Variants in CZIB observed in about 807,000 individuals in gnomAD.
CZIB encodes CXXC motif containing zinc binding protein.
A neutral mutation model predicts 28.3 loss-of-function variants in CZIB; 26 were observed. The observed-to-expected ratio is 0.92, with a 90% CI of 0.67 to 1.27. The LOEUF (loss-of-function observed/expected upper bound fraction) is 1.27, where lower values mean the gene tolerates loss of function less well. Ranked by LOEUF, CZIB falls within the 50% of genes most tolerant of loss-of-function variation. The pLI is 0.00. For missense variants in CZIB, 179 were observed against 197.3 expected (o/e 0.91, Z 0.56); for synonymous variants, 78 against 71.1 (o/e 1.10, Z -0.49).
chr1:53,216,708 T>G lies in CZIB; in HGVS notation c.339+74A>C, dbSNP rs538695806. ...ATGTCTAGTCCATGGTATCTGTAGG[T>G]AGCACAGTTCTGGCTGTCACTTCAT... On this transcript the variant is annotated intron_variant, in intron 6 of 7. Coordinates refer to ENST00000294360, the MANE Select transcript of CZIB (RefSeq NM_017887.3). The G allele has an allele frequency of 2.4e-5, 32 of 1,312,178 alleles. No individual in the cohort carries two copies. In the African/African-American group the frequency reaches 4.2e-4, roughly 17 times the overall value. The allele number at this position is 1,312,178 out of a possible 1,614,324, so 81.3% of individuals were successfully genotyped here. A position where few individuals can be genotyped will look rare whatever the true frequency, so the allele number is the denominator to read the frequency against.
At position 53,218,861 on chromosome 1, in the gene CZIB, A is replaced by G. The variant is rs1248365788; in HGVS notation, c.147+6T>C. On this transcript the variant is annotated splice_donor_region_variant and intron_variant, in intron 3 of 7. Transcript: ENST00000294360. The stretch of plus-strand genomic sequence containing the variant: ...TTATGTTGGGGGTTGGGCGGGGAAC[A>G]GTTACCATCAGCCGGATGTACTGCC... 1 of 1,611,792 alleles carries G rather than the reference A, an allele frequency of 6.2e-7. No homozygotes were observed. The highest frequency in any genetic ancestry group is 1.1e-5 in the South Asian group (1 of 91,030).
chr1:53,217,726 T>C (rs1645483110), intron 5 of CZIB: 1 of 161,538 alleles, frequency 6.2e-6, no homozygotes, highest in South Asian at 1.8e-4. Flanking sequence ...AAATAAGGAA[T>C]AGGTGAATAC....
chr1:53,218,553 G>T, intron 3 of CZIB, 58 bp from the exon 4 acceptor site: 3 of 1,533,502 alleles, frequency 2.0e-6, no homozygotes, highest in Middle Eastern at 1.7e-4. Flanking sequence ...CAGTCCTGAG[G>T]AGATCGAGCC....
chr1:53,218,332 G>A (rs1388037296), intron 4 of CZIB, 82 bp downstream of exon 4: 2 of 1,583,778 alleles, frequency 1.3e-6, no homozygotes, highest in East Asian at 2.2e-5. Flanking sequence ...TCCACCCTCA[G>A]GTAACATGAG....
Position 53,214,675 on chromosome 1 carries a change from T to G in CZIB, c.467A>C (p.Gln156Pro). The change falls in exon 8 of 8, where the codon CAG becomes CCG. Residue 156 changes from glutamine to proline, a missense_variant. Gln to Pro is a moderately conservative substitution (Grantham distance 76). Transcript: ENST00000294360. The part of the protein sequence containing the change: ...ESVGIYEVTH[Q>P]FVKC ...GAAGAGGGATCAGCACTTCACAAAC[T>G]GGTGGGTGACCTCATAGATTCCCAC... is the stretch of plus-strand genomic sequence containing the variant. 1 of 1,614,148 alleles carries G rather than the reference T, an allele frequency of 6.2e-7. No homozygotes were observed.
At chr1:53,216,670 G>T in intron 6 of CZIB, 112 bp downstream of exon 6, 1 of 970,046 alleles carries the variant, frequency 1.0e-6, no homozygotes, top group Non-Finnish European at 1.6e-6. Context: ...TATTACTACC[G>T]CTAGAAAGGA....
chr1:53,214,413 T>G lies in CZIB; in HGVS notation c.*246A>C. The G allele has an allele frequency of 2.0e-6, 1 of 489,698 alleles. No individual in the cohort carries two copies. The highest frequency in any genetic ancestry group is 3.7e-6 in the Non-Finnish European group (1 of 272,580). 30.3% of individuals were successfully genotyped at this position (489,698 alleles called of 1,614,324 possible). On this transcript the variant is annotated 3_prime_UTR_variant, in exon 8 of 8. Coordinates refer to ENST00000294360, the MANE Select transcript of CZIB (RefSeq NM_017887.3). ...ATTTTCCTAAGGAGTGAACTGCTGC[T>G]GCACGAATTCTTATTTGTGGAGGGA...
chr1:53,217,516 TGTAAA>T (rs1477295765), intron 5 of CZIB: 6 of 153,450 alleles, frequency 3.9e-5, no homozygotes, highest in Non-Finnish European at 7.2e-5. Context: ...TGTCATTCAC[TGTAAA>T]GTAATTTCCT....
rs148279601 is a variant in CZIB, at chr1:53,218,894, C to G, written c.120G>C (p.Ser40=). ...KMKCGNCGEI[S]DKWQYIRLMD... ...TCAGCCGGATGTACTGCCACTTGTCCGAAATCTCACCACAGTTGCCACATT... is the reference window on the plus strand; with the variant it reads ...TCAGCCGGATGTACTGCCACTTGTCGGAAATCTCACCACAGTTGCCACATT... The change falls in exon 3 of 8, where the codon TCG becomes TCC. Residue 40 remains serine (S), a synonymous_variant. Transcript: ENST00000294360. The G allele has an allele frequency of 1.9e-6, 3 of 1,613,822 alleles. No homozygotes were observed. The highest frequency in any genetic ancestry group is 1.6e-4 in the Middle Eastern group (1 of 6,062).
Position 53,219,208 on chromosome 1 carries a change from A to AG in CZIB, c.91-286dup, listed in dbSNP as rs200769536. ...TGCAGAAATGGTTTCAGCGGAGGTGAGGGGGGGGAATATGGAGAGATTTGT... is the reference window on the plus strand; with the variant it reads ...TGCAGAAATGGTTTCAGCGGAGGTGAGGGGGGGGGAATATGGAGAGATTTGT... On this transcript the variant is annotated intron_variant, in intron 2 of 7. Coordinates refer to ENST00000294360, the MANE Select transcript of CZIB (RefSeq NM_017887.3). 801 of 401,214 alleles carry AG rather than the reference A, an allele frequency of 2.0e-3. 11 individuals carry two copies. The East Asian group carries it at 0.033, about 17-fold the overall frequency. 24.9% of individuals were successfully genotyped at this position (401,214 alleles called of 1,614,324 possible). A position where few individuals can be genotyped will look rare whatever the true frequency, so the allele number is the denominator to read the frequency against.
At chr1:53,216,166 G>A in intron 6 of CZIB, 110 bp from the exon 7 acceptor site, 1 of 985,434 alleles carries the variant, frequency 1.0e-6, no homozygotes, top group Non-Finnish European at 1.6e-6. Context: ...ATGGAGGACA[G>A]AGATGCAGTA....
In CZIB at chr1:53,216,124, G is replaced by C. The variant is rs372043684; in HGVS notation, c.340-68C>G. The C allele has an allele frequency of 7.8e-5, 116 of 1,480,498 alleles. No individual in the cohort carries two copies. In the East Asian group the frequency reaches 2.5e-3, roughly 32 times the overall value. The allele number at this position is 1,480,498 out of a possible 1,614,324, so 91.7% of individuals were successfully genotyped here. ...GGCATTGGGCTATAAGTAAGGGCCG[G>C]CCAGGCTGCTGGCTCTTCTCACACT... On this transcript the variant is annotated intron_variant, in intron 6 of 7. Transcript: ENST00000294360.
intron 2 of CZIB, chr1:53,219,575 T>C (rs991174237): frequency 2.0e-5 from 3 of 152,870 alleles, no homozygotes; most frequent in Non-Finnish European, 2.9e-5. Flanking sequence ...TATAAGCACT[T>C]ATCACTCTAT....
rs771488417 is a variant in CZIB at position 53,218,212 on chromosome 1, GAA to G, written c.230-11_230-10del. 1 of 1,614,056 alleles carries G rather than the reference GAA, an allele frequency of 6.2e-7. No homozygotes were observed. Among genetic ancestry groups the G allele is most frequent in the Non-Finnish European group, 8.5e-7 (1 of 1,179,944 alleles). On this transcript the variant is annotated splice_polypyrimidine_tract_variant and intron_variant, in intron 4 of 7. Coordinates refer to ENST00000294360, the MANE Select transcript of CZIB (RefSeq NM_017887.3). Reference sequence around the variant, plus strand: ...GGTGCTGCTTAAAATCTCTGAAATAGAAAAGAGAACACAAAGTTGACTTGAGT... The same window carrying G: ...GGTGCTGCTTAAAATCTCTGAAATAGAAGAGAACACAAAGTTGACTTGAGT...
chr1:53,215,982 G>A lies in CZIB; in HGVS notation c.405+9C>T. ...CTACAGTACCTCCCAAAGCCCCCAAGTCTCATACCTTCTCCTGCAGATTAA... is the reference window on the plus strand; with the variant it reads ...CTACAGTACCTCCCAAAGCCCCCAAATCTCATACCTTCTCCTGCAGATTAA... On this transcript the variant is annotated intron_variant, in intron 7 of 7. Transcript: ENST00000294360. 1 of 1,613,866 alleles carries A rather than the reference G, an allele frequency of 6.2e-7. No individual in the cohort carries two copies. Among genetic ancestry groups the A allele is most frequent in the Non-Finnish European group, 8.5e-7 (1 of 1,179,814 alleles).
intron 1 of CZIB, 74 bp from the exon 2 acceptor site, chr1:53,220,418 C>T (rs1645515444): frequency 4.4e-6 from 7 of 1,583,790 alleles, no homozygotes; most frequent in Middle Eastern, 1.7e-4. Flanking sequence ...CTCCCGCATT[C>T]CCAGCCGTGG....
chr1:53,215,746 A>G (rs190144295), intron 7 of CZIB, among the ~76,000 whole-genome samples: 2 of 152,360 alleles, frequency 1.3e-5, no homozygotes, highest in African/African-American at 4.8e-5. Context: ...CAGCAGCACT[A>G]TAGCTCATGC....
chr1:53,219,107 G>A (rs1213402837), intron 2 of CZIB, 184 bp from the exon 3 acceptor site: 4 of 620,482 alleles, frequency 6.4e-6, no homozygotes, highest in Non-Finnish European at 1.2e-5. Context: ...GGATAGGTAA[G>A]GCTGTTTCCT....
At chr1:53,218,033 G>C in intron 5 of CZIB, 139 bp downstream of exon 5, 1 of 892,410 alleles carries the variant, frequency 1.1e-6, no homozygotes, top group Non-Finnish European at 1.7e-6. Context: ...ATAAATGACT[G>C]AGTCAAAGAA....
Sources: gnomAD v4.1 joint callset for allele counts (sites outside exome capture counted in the v4.1 genomes callset) on GRCh38, gnomAD v4.1.1 for gene constraint, MANE v1.5 for transcripts, NCBI Gene and HGNC (gene_info 2026-07-23, HGNC 2026-07-21) for gene names.